The following CASP4 variants were observed in gnomAD, a reference collection of about 807,000 sequenced individuals.
CASP4 encodes the protein caspase 4.
A neutral mutation model predicts 41.3 loss-of-function variants in CASP4; 29 were observed. The ratio of observed to expected loss-of-function variants is 0.70; its 90% CI spans 0.52 to 0.96. The LOEUF (loss-of-function observed/expected upper bound fraction) is 0.96, where lower values mean the gene tolerates loss of function less well. Ranked by LOEUF, CASP4 falls within the 40% of genes least tolerant of loss-of-function variation. CASP4 has a pLI of 0.00. For missense variants in CASP4, 447 were observed against 460.6 expected (o/e 0.97, Z 0.27); for synonymous variants, 185 against 158.4 (o/e 1.17, Z -1.26).
chr11:104,963,408 T>C (rs1183471895), intron 1 of CASP4, among the ~76,000 whole-genome samples: 1 of 152,196 alleles, frequency 6.6e-6, no homozygotes, highest in Admixed American at 6.6e-5. Flanking sequence ...CTCTGTTTTC[T>C]TCATGACAAC....
intron 1 of CASP4, among the ~76,000 whole-genome samples, chr11:104,966,430 C>G (rs7116603): frequency 0.1 from 15,650 of 152,204 alleles, 1,422 homozygotes; most frequent in African/African-American, 0.23. Context: ...TGGAAAAATA[C>G]ATATGCAAAT....
At chr11:104,961,852 T>C (rs1427904002) in intron 1 of CASP4, among the ~76,000 whole-genome samples, 1 of 152,196 alleles carries the variant, frequency 6.6e-6, no homozygotes, top group East Asian at 1.9e-4. Flanking sequence ...TTACATTCGA[T>C]GAGCCCTGGA....
chr11:104,961,906 C>T (rs1008850693), intron 1 of CASP4, among the ~76,000 whole-genome samples: 2 of 152,178 alleles, frequency 1.3e-5, no homozygotes, highest in African/African-American at 2.4e-5. Flanking sequence ...CTGCTCTTTG[C>T]CTTACCCAGA....
intron 2 of CASP4, 158 bp from the exon 3 acceptor site, chr11:104,952,163 G>T (rs887572140): frequency 1.8e-6 from 1 of 566,168 alleles, no homozygotes; most frequent in Non-Finnish European, 3.2e-6. Context: ...GAGATGTATT[G>T]TTACTGGAAA....
chr11:104,956,672 C>T (rs1159761319), intron 1 of CASP4: 1 of 984,298 alleles, frequency 1.0e-6, no homozygotes, highest in Non-Finnish European at 1.2e-6. Flanking sequence ...TAGTGCATTC[C>T]AACAGGTGAG....
At chr11:104,950,768 A>G (rs1001963746) in intron 4 of CASP4, among the ~76,000 whole-genome samples, 157 bp downstream of exon 4, 1 of 149,590 alleles carries the variant, frequency 6.7e-6, no homozygotes, top group African/African-American at 2.5e-5. Flanking sequence ...AGAGACATAG[A>G]TTTACCAGTC....
At chr11:104,944,702 C>T (rs1333952371) in intron 8 of CASP4, 46 bp downstream of exon 8, 5 of 1,212,552 alleles carry the variant, frequency 4.1e-6, no homozygotes, top group South Asian at 2.4e-5. Flanking sequence ...ACCAATATCA[C>T]TCTCTTATTT....
chr11:104,949,925 A>G, intron 4 of CASP4, 148 bp from the exon 5 acceptor site: 1 of 722,912 alleles, frequency 1.4e-6, no homozygotes, highest in East Asian at 2.7e-5. Flanking sequence ...CAGCTGTTTA[A>G]TGGTTTTATT....
intron 2 of CASP4, among the ~76,000 whole-genome samples, chr11:104,953,723 A>G (rs1246053597): frequency 6.6e-6 from 1 of 152,080 alleles, no homozygotes; most frequent in Non-Finnish European, 1.5e-5. Flanking sequence ...GTAATCTGTA[A>G]TACTTCATGG....
chr11:104,943,216 A>G (rs1421557295), intron 8 of CASP4: 1 of 311,846 alleles, frequency 3.2e-6, no homozygotes, highest in Admixed American at 4.4e-5. Context: ...AATAATTTTT[A>G]AAGGTTTACC....
Position 104,968,432 on chromosome 11 carries a change from A to G in CASP4, c.7+87T>C. On this transcript the variant is annotated intron_variant, in intron 1 of 8. Transcript: ENST00000444739. ...AATTCAACATGTGTGCTATCGGCTC[A>G]CTTCCTTTCTTGTGTTTATTTCAGA... 4.9e-6 allele frequency: 6 copies of G among 1,224,308 alleles called. No individual in the cohort carries two copies. The South Asian group carries it at 6.1e-5, about 12-fold the overall frequency. The allele number at this position is 1,224,308 out of a possible 1,614,324, so 75.8% of individuals were successfully genotyped here. A position where few individuals can be genotyped will look rare whatever the true frequency, so the allele number is the denominator to read the frequency against.
rs78230612 is a variant in CASP4 at position 104,945,270 on chromosome 11, T to A, written c.1036-419A>T. On this transcript the variant is annotated intron_variant, in intron 7 of 8. Transcript: ENST00000444739. ...TATCTTTCTTTTTTTTTTTTTTTTT[T>A]AAGATGGAGTCTTGCACTGTTGCCT... Among the ~76,000 whole-genome samples, 115 of 116,598 alleles carry A rather than the reference T, an allele frequency of 9.9e-4. No homozygotes were observed. The Middle Eastern group carries it at 0.031, about 32-fold the overall frequency. 76.5% of individuals were successfully genotyped at this position (116,598 alleles called of 152,430 possible). A position where few individuals can be genotyped will look rare whatever the true frequency, so the allele number is the denominator to read the frequency against.
At chr11:104,951,679 A>G (rs550021225) in intron 3 of CASP4, 5 of 578,544 alleles carry the variant, frequency 8.6e-6, no homozygotes, top group African/African-American at 3.7e-5. Flanking sequence ...AGAAATACCA[A>G]TTTTCTTTCA....
In CASP4 at chr11:104,944,881, T is replaced by C. The variant is rs1315796975; in HGVS notation, c.1036-30A>G. ...AAAAGAAAATAGGCTGTAGATGAGA[T>C]ACGACTCTTTTCAAGTCTCAGAAAG... On this transcript the variant is annotated intron_variant, in intron 7 of 8. Transcript: ENST00000444739. 3.0e-6 allele frequency: 4 copies of C among 1,344,702 alleles called. No individual in the cohort carries two copies. In the South Asian group the frequency reaches 3.5e-5, roughly 12 times the overall value. 83.3% of individuals were successfully genotyped at this position (1,344,702 alleles called of 1,614,324 possible). A position where few individuals can be genotyped will look rare whatever the true frequency, so the allele number is the denominator to read the frequency against.
chr11:104,951,563 A>G (rs1162861546), intron 3 of CASP4: 2 of 350,814 alleles, frequency 5.7e-6, no homozygotes, highest in East Asian at 1.2e-4. Flanking sequence ...GTAGAGTGCA[A>G]CCAATTACAA....
At chr11:104,956,526 T>C in intron 1 of CASP4, 1 of 306,076 alleles carries the variant, frequency 3.3e-6, no homozygotes, top group Non-Finnish European at 4.8e-6. Flanking sequence ...ATATAGTAAC[T>C]GGGAACAAGA....
At chr11:104,965,170 G>T (rs1860944952) in intron 1 of CASP4, among the ~76,000 whole-genome samples, 1 of 152,058 alleles carries the variant, frequency 6.6e-6, no homozygotes, top group Non-Finnish European at 1.5e-5. Flanking sequence ...TCCAATCTTT[G>T]CTTTTAAAAT....
chr11:104,955,096 A>AG, intron 1 of CASP4, 95 bp from the exon 2 acceptor site: 14 of 1,204,152 alleles, frequency 1.2e-5, no homozygotes, highest in Non-Finnish European at 1.6e-5. Flanking sequence ...AATACTTCTG[A>AG]AAGTATGTCC....
In CASP4 at chr11:104,950,877, G is replaced by C. The variant is rs185109555; in HGVS notation, c.546+48C>G. The C allele has an allele frequency of 4.5e-6, 7 of 1,560,038 alleles. No individual in the cohort carries two copies. In the African/African-American group the frequency reaches 8.2e-5, roughly 18 times the overall value. On this transcript the variant is annotated intron_variant, in intron 4 of 8. Coordinates refer to ENST00000444739, the MANE Select transcript of CASP4 (RefSeq NM_001225.4). ...TTTGAAGCTAGGTAGTTATTAGAAGGATGTGTCTTGAATATGTATGTGTTT... is the reference window on the plus strand; with the variant it reads ...TTTGAAGCTAGGTAGTTATTAGAAGCATGTGTCTTGAATATGTATGTGTTT...
Sources: allele counts gnomAD v4.1 joint callset (sites outside exome capture counted in the v4.1 genomes callset), GRCh38; gene constraint gnomAD v4.1.1; transcripts MANE v1.5; gene names NCBI Gene and HGNC (gene_info 2026-07-23, HGNC 2026-07-21).